The following HIVEP2 variants were observed in gnomAD, a reference collection of about 807,000 sequenced individuals.
HIVEP2 encodes the protein transcription factor HIVEP2.
A neutral mutation model predicts 180.7 loss-of-function variants in HIVEP2; 14 were observed. The ratio of observed to expected loss-of-function variants is 0.08; its 90% CI spans 0.05 to 0.12. The LOEUF is 0.12. Among genes scored for constraint, HIVEP2 ranks in the 10% least tolerant of loss-of-function variants. HIVEP2 has a pLI of 1.00. For synonymous variants in HIVEP2, 1,184 were observed against 1,136.4 expected, an observed-to-expected ratio of 1.04 and a Z score of -0.84; for missense variants, 2,579 against 3,008.5, an observed-to-expected ratio of 0.86 and a Z score of 3.34.
intron 1 of HIVEP2, among the ~76,000 whole-genome samples, chr6:142,918,026 G>A (rs951558669): frequency 6.6e-6 from 1 of 152,056 alleles, no homozygotes; most frequent in Non-Finnish European, 1.5e-5. Context: ...ACCCACCTTG[G>A]CCTCCCAAAG....
rs2128433487 is a variant in HIVEP2 at position 142,918,960 on chromosome 6, A to G, written c.-641+26139T>C. Among the ~76,000 whole-genome samples, 2 of 152,194 alleles carry G rather than the reference A, an allele frequency of 1.3e-5. 1 individual carries two copies. Among genetic ancestry groups the G allele is most frequent in the South Asian group, 4.1e-4 (2 of 4,820 alleles). ...TATAATACATAATTCCCTACCTATT[A>G]TTTTACTTTTAAGTCATGCAATTTA... On this transcript the variant is annotated intron_variant, in intron 1 of 9. Coordinates refer to ENST00000367603, the MANE Select transcript of HIVEP2 (RefSeq NM_006734.4).
chr6:142,888,551 T>C (rs77997509), intron 1 of HIVEP2, among the ~76,000 whole-genome samples: 2 of 152,346 alleles, frequency 1.3e-5, no homozygotes, highest in Admixed American at 1.3e-4. Flanking sequence ...CTTATGCTCA[T>C]TGAAGTCATT....
intron 2 of HIVEP2, among the ~76,000 whole-genome samples, chr6:142,785,630 A>G (rs1003138699): frequency 3.3e-5 from 5 of 152,168 alleles, no homozygotes; most frequent in African/African-American, 4.8e-5. Flanking sequence ...GTGCCCCCCA[A>G]CAAGCTCTGA....
At chr6:142,942,737 A>G (rs1242522882) in intron 1 of HIVEP2, among the ~76,000 whole-genome samples, 1 of 152,300 alleles carries the variant, frequency 6.6e-6, no homozygotes, top group African/African-American at 2.4e-5. Context: ...ATATACCACC[A>G]TTCCCAAAAT....
chr6:142,757,612 CGTGCCACT>C (rs1290698173), intron 9 of HIVEP2, among the ~76,000 whole-genome samples: 1 of 152,010 alleles, frequency 6.6e-6, no homozygotes. Context: ...AAGCCAAGGT[CGTGCCACT>C]GCACTCCAGC....
intron 1 of HIVEP2, among the ~76,000 whole-genome samples, chr6:142,904,517 T>G (rs1777215509): frequency 6.6e-6 from 1 of 152,112 alleles, no homozygotes; most frequent in Non-Finnish European, 1.5e-5. Context: ...AATGTGACAT[T>G]TCATTCCAAG....
chr6:142,910,630 A>AAAC (rs778682920), intron 1 of HIVEP2, among the ~76,000 whole-genome samples: 8 of 152,104 alleles, frequency 5.3e-5, no homozygotes, highest in African/African-American at 9.7e-5. Flanking sequence ...AAACAAAACA[A>AAAC]AACAACAACA....
chr6:142,814,620 C>T (rs987020987), intron 2 of HIVEP2, among the ~76,000 whole-genome samples: 1 of 152,068 alleles, frequency 6.6e-6, no homozygotes, highest in African/African-American at 2.4e-5. Context: ...GTCCAAGGTT[C>T]TAGCTTGGAT....
intron 2 of HIVEP2, among the ~76,000 whole-genome samples, chr6:142,787,499 A>G (rs772626157): frequency 7.8e-4 from 117 of 150,800 alleles, no homozygotes; most frequent in Non-Finnish European, 1.3e-3. Context: ...ACTGAAAGAG[A>G]TATCAATGTT....
intron 1 of HIVEP2, 95 bp from the exon 2 acceptor site, chr6:142,837,142 A>T (rs1775245343): frequency 6.6e-6 from 1 of 152,160 alleles, no homozygotes; most frequent in South Asian, 2.1e-4. Context: ...GAGTATTATG[A>T]TATTATACTA....
intron 1 of HIVEP2, among the ~76,000 whole-genome samples, chr6:142,926,014 T>G (rs1442918068): frequency 6.6e-6 from 1 of 152,224 alleles, no homozygotes; most frequent in African/African-American, 2.4e-5. Context: ...CGACTCTTCT[T>G]TATCATACCT....
intron 1 of HIVEP2, among the ~76,000 whole-genome samples, chr6:142,927,350 C>A (rs1180650936): frequency 6.6e-6 from 1 of 151,882 alleles, no homozygotes; most frequent in Admixed American, 6.6e-5. Flanking sequence ...ATTTCCAAGT[C>A]ATCAAAAGTG....
intron 1 of HIVEP2, among the ~76,000 whole-genome samples, chr6:142,857,216 T>C (rs1293459787): frequency 6.8e-6 from 1 of 146,046 alleles, no homozygotes; most frequent in Non-Finnish European, 1.5e-5. Context: ...ATGAGCAAAT[T>C]AGAAAAAAAA....
At chr6:142,908,415 C>T (rs1207446879) in intron 1 of HIVEP2, among the ~76,000 whole-genome samples, 1 of 152,068 alleles carries the variant, frequency 6.6e-6, no homozygotes, top group East Asian at 1.9e-4. Flanking sequence ...CTGTTTTTTG[C>T]ATATTCTGTC....
chr6:142,848,107 C>G (rs1048915793), intron 1 of HIVEP2, among the ~76,000 whole-genome samples: 4 of 152,136 alleles, frequency 2.6e-5, no homozygotes, highest in African/African-American at 9.7e-5. Context: ...AGAGGCTAAT[C>G]CTAACAACAT....
chr6:142,841,545 C>T (rs1303392975), intron 1 of HIVEP2, among the ~76,000 whole-genome samples: 1 of 152,018 alleles, frequency 6.6e-6, no homozygotes, highest in African/African-American at 2.4e-5. Flanking sequence ...AAATGTTCAT[C>T]GATATTTTCT....
chr6:142,810,421 A>G (rs1031271515), intron 2 of HIVEP2, among the ~76,000 whole-genome samples: 2 of 152,196 alleles, frequency 1.3e-5, no homozygotes, highest in Non-Finnish European at 2.9e-5. Flanking sequence ...CCAACAGGCA[A>G]AGGAAACATA....
intron 1 of HIVEP2, among the ~76,000 whole-genome samples, chr6:142,917,570 A>C (rs1256863307): frequency 6.6e-6 from 1 of 152,240 alleles, no homozygotes; most frequent in East Asian, 1.9e-4. Context: ...TTCCTAACTT[A>C]TTTCATTAAA....
intron 3 of HIVEP2, among the ~76,000 whole-genome samples, chr6:142,782,287 C>A (rs1775878656): frequency 6.6e-6 from 1 of 152,036 alleles, no homozygotes; most frequent in South Asian, 2.1e-4. Flanking sequence ...TATTAAAGTG[C>A]CACAGATCAG....
Sources: gnomAD v4.1 joint callset for allele counts (sites outside exome capture counted in the v4.1 genomes callset) on GRCh38, gnomAD v4.1.1 for gene constraint, MANE v1.5 for transcripts, NCBI Gene and HGNC (gene_info 2026-07-23, HGNC 2026-07-21) for gene names.